RPTOR: variants seen among roughly 807,000 people sequenced by gnomAD.
RPTOR encodes regulatory-associated protein of mTOR.
A neutral mutation model predicts 169.9 loss-of-function variants in RPTOR; 21 were observed. The ratio of observed to expected loss-of-function variants is 0.12; its 90% CI spans 0.09 to 0.18. RPTOR has a LOEUF of 0.18. RPTOR is among the 10% of genes least tolerant of loss of function. RPTOR has a pLI of 1.00. For synonymous variants in RPTOR, 732 were observed against 753.2 expected, an observed-to-expected ratio of 0.97 and a Z score of 0.46; for missense variants, 1,133 against 1,855.9, an observed-to-expected ratio of 0.61 and a Z score of 7.16.
chr17:80,577,615 T>C (rs1207656563), intron 1 of RPTOR, among the ~76,000 whole-genome samples: 4 of 152,174 alleles, frequency 2.6e-5, no homozygotes, highest in African/African-American at 7.2e-5. Context: ...CGGAAGTCAC[T>C]GAAGAATTGG....
intron 4 of RPTOR, among the ~76,000 whole-genome samples, chr17:80,719,081 T>C (rs2066262992): frequency 6.6e-6 from 1 of 151,948 alleles, no homozygotes; most frequent in Non-Finnish European, 1.5e-5. Flanking sequence ...TGTTCTCAGG[T>C]TGTGAGTAGG....
chr17:80,783,493 G>A (rs148703511), intron 6 of RPTOR, among the ~76,000 whole-genome samples: 4 of 152,208 alleles, frequency 2.6e-5, no homozygotes, highest in Admixed American at 6.5e-5. Context: ...TTAAAAAACT[G>A]ACATTTTTCT....
chr17:80,831,799 G>T (rs200447914), intron 9 of RPTOR, among the ~76,000 whole-genome samples: 1 of 150,956 alleles, frequency 6.6e-6, no homozygotes, highest in African/African-American at 2.4e-5. Context: ...GTGTGTCACC[G>T]TGTATCCCTG....
At chr17:80,688,081 G>T (rs542116260) in intron 3 of RPTOR, among the ~76,000 whole-genome samples, 2 of 152,248 alleles carry the variant, frequency 1.3e-5, no homozygotes, top group East Asian at 3.9e-4. Context: ...TACCTGAGTG[G>T]GGGAAATAAT....
At chr17:80,630,822 G>A (rs909786158) in intron 2 of RPTOR, among the ~76,000 whole-genome samples, 10 of 152,168 alleles carry the variant, frequency 6.6e-5, no homozygotes, top group African/African-American at 1.7e-4. Flanking sequence ...GCCTGCCCAC[G>A]TGCCTCACTG....
intron 24 of RPTOR, among the ~76,000 whole-genome samples, chr17:80,929,526 GA>G (rs1464949873): frequency 2.0e-5 from 3 of 152,260 alleles, no homozygotes; most frequent in Non-Finnish European, 2.9e-5. Context: ...ATCACACGCA[GA>G]ACCCAGTTTA....
Position 80,829,876 on chromosome 17 carries a change from G to A in RPTOR, c.1136+6653G>A, listed in dbSNP as rs531329100. On this transcript the variant is annotated intron_variant, in intron 9 of 33. Coordinates refer to ENST00000306801, the MANE Select transcript of RPTOR (RefSeq NM_020761.3). The stretch of plus-strand genomic sequence containing the variant: ...TCTTTGTACAGAAATCAATGATGAT[G>A]TGAATTCAGGGAGAATCACTTGCAT... Among the ~76,000 whole-genome samples the A allele has an allele frequency of 7.9e-5, 12 of 152,368 alleles. No individual in the cohort carries two copies. In the South Asian group the frequency reaches 2.3e-3, roughly 29 times the overall value.
intron 7 of RPTOR, among the ~76,000 whole-genome samples, chr17:80,817,895 C>G (rs1007791901): frequency 6.6e-6 from 1 of 152,132 alleles, no homozygotes; most frequent in South Asian, 2.1e-4. Context: ...GGTGTGGATG[C>G]TGAAGTTCTG....
intron 3 of RPTOR, among the ~76,000 whole-genome samples, chr17:80,666,963 C>T (rs575660976): frequency 1.1e-4 from 16 of 152,182 alleles, no homozygotes; most frequent in Non-Finnish European, 1.8e-4. Flanking sequence ...CAACAGCACT[C>T]CAGGAATTGT....
chr17:80,926,228 C>T (rs187862655), intron 24 of RPTOR, among the ~76,000 whole-genome samples: 25 of 152,334 alleles, frequency 1.6e-4, no homozygotes, highest in Admixed American at 1.6e-3. Flanking sequence ...TCCCTGTGGT[C>T]CTGTCTTCAT....
chr17:80,587,774 C>CTT (rs56133925), intron 1 of RPTOR, among the ~76,000 whole-genome samples: 59 of 147,198 alleles, frequency 4.0e-4, no homozygotes, highest in Middle Eastern at 3.6e-3. Flanking sequence ...ACATATGTAT[C>CTT]TTTTTTTTTT....
rs2306690 is a variant in RPTOR at position 80,707,790 on chromosome 17, A to G, written c.349-51A>G. The G allele has an allele frequency of 0.64, 1,010,473 of 1,571,802 alleles. 330,154 individuals carry two copies. Among genetic ancestry groups the G allele is most frequent in the African/African-American group, 0.89 (65,956 of 74,344 alleles). On this transcript the variant is annotated intron_variant, in intron 3 of 33. Transcript: ENST00000306801. The surrounding 1 kb of genome is among the most constrained non-coding windows in gnomAD (Gnocchi z 5.0). Reference sequence around the variant, plus strand: ...AGGAAAGGGTAGGGGATGAGTTCCAAGCATTCCCTGGAGTCCGTGGTAAAT... The same window carrying G: ...AGGAAAGGGTAGGGGATGAGTTCCAGGCATTCCCTGGAGTCCGTGGTAAAT...
chr17:80,757,246 G>T (rs1280335325), intron 6 of RPTOR, among the ~76,000 whole-genome samples: 1 of 152,202 alleles, frequency 6.6e-6, no homozygotes, highest in African/African-American at 2.4e-5. Context: ...GGGAAAGCTG[G>T]AAGCCCTCCA....
intron 24 of RPTOR, among the ~76,000 whole-genome samples, chr17:80,930,743 G>A (rs548709106): frequency 4.6e-5 from 7 of 152,358 alleles, no homozygotes; most frequent in African/African-American, 1.4e-4. Flanking sequence ...AGTGGGAGAC[G>A]TAGCTTCTCT....
At chr17:80,916,204 C>G (rs767335124) in intron 21 of RPTOR, among the ~76,000 whole-genome samples, 5 of 152,226 alleles carry the variant, frequency 3.3e-5, no homozygotes, top group Non-Finnish European at 7.3e-5. Flanking sequence ...GAGAGAAGAG[C>G]TGCAGCCCTT....
At chr17:80,670,179 T>C (rs2065811062) in intron 3 of RPTOR, among the ~76,000 whole-genome samples, 1 of 152,246 alleles carries the variant, frequency 6.6e-6, no homozygotes, top group Non-Finnish European at 1.5e-5. Flanking sequence ...CTGTAAGGTT[T>C]GACCTTAAGC....
chr17:80,914,904 G>C (rs967212964), intron 21 of RPTOR, among the ~76,000 whole-genome samples: 1 of 152,240 alleles, frequency 6.6e-6, no homozygotes, highest in African/African-American at 2.4e-5. Flanking sequence ...TGGGGGCTGG[G>C]CTGATGGACC....
At chr17:80,850,485 G>T (rs2067781990) in intron 11 of RPTOR, among the ~76,000 whole-genome samples, 1 of 152,180 alleles carries the variant, frequency 6.6e-6, no homozygotes, top group African/African-American at 2.4e-5. Flanking sequence ...GCTCACTGCA[G>T]CCGGAGCTCC....
intron 11 of RPTOR, among the ~76,000 whole-genome samples, chr17:80,853,075 G>A (rs903015562): frequency 2.0e-5 from 3 of 151,814 alleles, no homozygotes; most frequent in Non-Finnish European, 4.4e-5. Flanking sequence ...CCTTCCACTC[G>A]CCTCCCCGAC....
Sources: gnomAD v4.1 joint callset for allele counts (sites outside exome capture counted in the v4.1 genomes callset) on GRCh38, gnomAD v4.1.1 for gene constraint, Gnocchi (gnomAD v3.1) non-coding constraint, MANE v1.5 for transcripts, NCBI Gene and HGNC (gene_info 2026-07-23, HGNC 2026-07-21) for gene names.